The following TMEM45A variants were observed in gnomAD, a reference collection of about 807,000 sequenced individuals.
The protein encoded by TMEM45A is DNA polymerase-transactivated protein 4.
In TMEM45A, 25 loss-of-function variants were observed where a neutral mutation model predicts 32.0. The observed-to-expected ratio is 0.78, with a 90% CI of 0.57 to 1.09. The LOEUF (loss-of-function observed/expected upper bound fraction) is 1.09. Ranked by LOEUF, TMEM45A falls within the 50% of genes least tolerant of loss-of-function variation. TMEM45A has a pLI of 0.00. For synonymous variants in TMEM45A, 122 were observed against 114.8 expected, an observed-to-expected ratio of 1.06 and a Z score of -0.40; for missense variants, 302 against 325.0, an observed-to-expected ratio of 0.93 and a Z score of 0.54.
chr3:100,528,100 T>G (rs1393466619), intron 1 of TMEM45A, among the ~76,000 whole-genome samples: 1 of 152,246 alleles, frequency 6.6e-6, no homozygotes, highest in East Asian at 1.9e-4. Context: ...AAATTTAAAT[T>G]TCACTGGGTG....
At position 100,512,440 on chromosome 3, in the gene TMEM45A, C is replaced by A. The variant is rs1263477396; in HGVS notation, c.-4+19512C>A. On this transcript the variant is annotated intron_variant, in intron 1 of 5. Transcript: ENST00000323523. Reference sequence around the variant, plus strand: ...TTTGAAACCAACCAGAACAAAGACACAACATACCAGAATCTCTGGGGCACA... The same window carrying A: ...TTTGAAACCAACCAGAACAAAGACAAAACATACCAGAATCTCTGGGGCACA... 2.6e-5 allele frequency among the ~76,000 whole-genome samples: 4 copies of A among 152,244 alleles called. No homozygotes were observed. In the East Asian group the frequency reaches 5.8e-4, roughly 22 times the overall value.
At chr3:100,563,096 TG>T (rs1706367370) in intron 4 of TMEM45A, among the ~76,000 whole-genome samples, 2 of 152,352 alleles carry the variant, frequency 1.3e-5, no homozygotes, top group East Asian at 3.9e-4. Context: ...GGTTTTTTCT[TG>T]GGGTCCAGAG....
At chr3:100,528,870 AT>A (rs1236452760) in intron 1 of TMEM45A, among the ~76,000 whole-genome samples, 32 of 152,354 alleles carry the variant, frequency 2.1e-4, no homozygotes, top group African/African-American at 7.7e-4. Flanking sequence ...GAAATAGCTT[AT>A]TTTAATGAAC....
intron 1 of TMEM45A, among the ~76,000 whole-genome samples, chr3:100,506,886 C>A (rs1347975125): frequency 6.6e-6 from 1 of 152,132 alleles, no homozygotes; most frequent in East Asian, 1.9e-4. Flanking sequence ...AGGGGGCTAG[C>A]TAAGCCAAGT....
chr3:100,538,624 T>G (rs573507832), intron 1 of TMEM45A, among the ~76,000 whole-genome samples: 2 of 152,330 alleles, frequency 1.3e-5, no homozygotes, highest in Non-Finnish European at 2.9e-5. Context: ...GAAAACTCTC[T>G]TTGTTCACAG....
intron 1 of TMEM45A, among the ~76,000 whole-genome samples, chr3:100,517,864 C>T (rs979037511): frequency 2.6e-5 from 4 of 152,188 alleles, no homozygotes; most frequent in African/African-American, 7.2e-5. Flanking sequence ...GCCGTTCTTA[C>T]GTGGCATCCT....
At chr3:100,536,894 T>G (rs1705751976) in intron 1 of TMEM45A, among the ~76,000 whole-genome samples, 1 of 152,148 alleles carries the variant, frequency 6.6e-6, no homozygotes, top group Non-Finnish European at 1.5e-5. Context: ...TCATATTTGT[T>G]TGTATTTTGG....
chr3:100,549,674 C>A (rs1706053360), intron 1 of TMEM45A, among the ~76,000 whole-genome samples: 1 of 152,168 alleles, frequency 6.6e-6, no homozygotes, highest in Non-Finnish European at 1.5e-5. Context: ...GAAGAGTGGG[C>A]AGTTTTAGAT....
intron 5 of TMEM45A, among the ~76,000 whole-genome samples, chr3:100,570,346 A>G (rs750953395): frequency 1.3e-5 from 2 of 152,148 alleles, no homozygotes; most frequent in Non-Finnish European, 1.5e-5. Context: ...TTTGTGCCTC[A>G]TTGCTGAAGC....
chr3:100,540,889 T>C (rs531926000), intron 1 of TMEM45A, among the ~76,000 whole-genome samples: 1 of 152,336 alleles, frequency 6.6e-6, no homozygotes, highest in African/African-American at 2.4e-5. Flanking sequence ...CTAAGTTCTT[T>C]GGGAAATCTC....
chr3:100,566,708 G>T (rs1706447940), intron 4 of TMEM45A, among the ~76,000 whole-genome samples: 1 of 151,940 alleles, frequency 6.6e-6, no homozygotes, highest in Non-Finnish European at 1.5e-5. Flanking sequence ...ATAAAAAATG[G>T]TATCTCATTG....
At chr3:100,562,411 C>G (rs1188197326) in intron 4 of TMEM45A, among the ~76,000 whole-genome samples, 3 of 152,178 alleles carry the variant, frequency 2.0e-5, no homozygotes, top group Non-Finnish European at 4.4e-5. Context: ...ACTGTAGTCA[C>G]ATCAGTTAAC....
chr3:100,538,754 A>G (rs1421481103), intron 1 of TMEM45A, among the ~76,000 whole-genome samples: 2 of 152,178 alleles, frequency 1.3e-5, no homozygotes, highest in African/African-American at 4.8e-5. Flanking sequence ...AAAAGTTAAC[A>G]AAAAGATATA....
intron 1 of TMEM45A, among the ~76,000 whole-genome samples, chr3:100,531,251 C>T (rs1456714079): frequency 6.6e-6 from 1 of 152,008 alleles, no homozygotes; most frequent in African/African-American, 2.4e-5. Flanking sequence ...GACTGATAAA[C>T]TCCTGGAAAT....
intron 1 of TMEM45A, among the ~76,000 whole-genome samples, chr3:100,513,210 G>A (rs936329245): frequency 2.0e-5 from 3 of 151,282 alleles, no homozygotes; most frequent in East Asian, 1.9e-4. Context: ...GATGAACATC[G>A]ATGCAAAAAT....
chr3:100,507,467 A>G (rs536397238), intron 1 of TMEM45A, among the ~76,000 whole-genome samples: 1 of 152,376 alleles, frequency 6.6e-6, no homozygotes, highest in African/African-American at 2.4e-5. Flanking sequence ...CCGGGAGATG[A>G]GAATGGGACT....
At chr3:100,509,607 T>C (rs1415654448) in intron 1 of TMEM45A, among the ~76,000 whole-genome samples, 4 of 152,040 alleles carry the variant, frequency 2.6e-5, no homozygotes, top group African/African-American at 9.7e-5. Context: ...TATTGAGGGA[T>C]GGAGGAGCCA....
intron 3 of TMEM45A, among the ~76,000 whole-genome samples, chr3:100,557,192 C>CG (rs1706239105): frequency 6.6e-6 from 1 of 152,202 alleles, no homozygotes; most frequent in African/African-American, 2.4e-5. Flanking sequence ...TGTTCAATTG[C>CG]TATGTTCACA....
chr3:100,539,362 T>A (rs1705805098), intron 1 of TMEM45A, among the ~76,000 whole-genome samples: 1 of 151,710 alleles, frequency 6.6e-6, no homozygotes, highest in Non-Finnish European at 1.5e-5. Context: ...AATAAGTCTT[T>A]TTAACAGATG....
Sources: gnomAD v4.1 joint callset for allele counts (sites outside exome capture counted in the v4.1 genomes callset) on GRCh38, gnomAD v4.1.1 for gene constraint, MANE v1.5 for transcripts, NCBI Gene and HGNC (gene_info 2026-07-23, HGNC 2026-07-21) for gene names.